The following KIAA1217 variants were observed in gnomAD, a reference collection of about 807,000 sequenced individuals.
KIAA1217 encodes the protein KIAA1217.
KIAA1217 carries 88 observed loss-of-function variants against 163.9 expected under a neutral mutation model. The observed-to-expected ratio is 0.54, with a 90% CI of 0.45 to 0.64. KIAA1217 has a LOEUF of 0.64. Among genes scored for constraint, KIAA1217 ranks in the 30% least tolerant of loss-of-function variants. The pLI is 0.00. For synonymous variants in KIAA1217, 903 were observed against 923.1 expected, an observed-to-expected ratio of 0.98 and a Z score of 0.39; for missense variants, 2,372 against 2,475.0, an observed-to-expected ratio of 0.96 and a Z score of 0.88.
In KIAA1217 at chr10:24,249,515, T is replaced by C. The variant is rs1403822778; in HGVS notation, c.354+29606T>C. Among the ~76,000 whole-genome samples the C allele has an allele frequency of 2.0e-5, 3 of 152,194 alleles. No individual in the cohort carries two copies. The East Asian group carries it at 5.8e-4, about 29-fold the overall frequency. On this transcript the variant is annotated intron_variant, in intron 2 of 20. Coordinates refer to ENST00000376454, the MANE Select transcript of KIAA1217 (RefSeq NM_019590.5). ...AAAATGGGCCAAGTTTCCTATATTA[T>C]AGGGTAAATACAACATTTTCTTCCT...
At chr10:23,697,314 T>C (rs1046359633) in intron 1 of KIAA1217, among the ~76,000 whole-genome samples, 1 of 152,234 alleles carries the variant, frequency 6.6e-6, no homozygotes, top group Non-Finnish European at 1.5e-5. Context: ...TACTAATGTA[T>C]GAATTTATAC....
At position 24,501,474 on chromosome 10, in the gene KIAA1217, A is replaced by G; in HGVS notation, c.1930A>G (p.Met644Val). 3 of 1,613,976 alleles carry G rather than the reference A, an allele frequency of 1.9e-6. No individual in the cohort carries two copies. Among genetic ancestry groups the G allele is most frequent in the South Asian group, 2.2e-5 (2 of 91,064 alleles). Residue 644 changes from methionine to valine, a missense_variant, in exon 9 of 21, where the codon ATG becomes GTG. Around this residue, in one of 3 missense-constraint regions of KIAA1217, gnomAD observed 1,431 missense variants for 1,470.3 expected, o/e 0.97. Transcript: ENST00000376454. Reference protein sequence around the residue: ...PPPVGTSAIHMSLLEMRRSVA... With the variant: ...PPPVGTSAIHVSLLEMRRSVA... ...ACCTGTGGGCACCTCAGCCATCCAC[A>G]TGAGCCTGCTTGAGATGAGGCGGAG... is the stretch of plus-strand genomic sequence containing the variant.
intron 2 of KIAA1217, among the ~76,000 whole-genome samples, chr10:24,303,765 C>T (rs957779705): frequency 1.3e-5 from 2 of 152,120 alleles, no homozygotes; most frequent in African/African-American, 4.8e-5. Flanking sequence ...AATTCAAGGT[C>T]GTGTGTTGGC....
intron 2 of KIAA1217, among the ~76,000 whole-genome samples, chr10:24,093,129 G>T (rs1282599559): frequency 6.6e-6 from 1 of 151,524 alleles, no homozygotes; most frequent in Non-Finnish European, 1.5e-5. Flanking sequence ...AAGTATCTGG[G>T]ACTACAGGCA....
At chr10:24,439,645 CT>C (rs1334581915) in intron 5 of KIAA1217, among the ~76,000 whole-genome samples, 1 of 142,824 alleles carries the variant, frequency 7.0e-6, no homozygotes, top group Non-Finnish European at 1.5e-5. Context: ...TAGGGAGAAT[CT>C]TTTCTTTTTT....
chr10:24,300,937 C>T (rs220367), intron 2 of KIAA1217, among the ~76,000 whole-genome samples: 122,525 of 152,060 alleles, frequency 0.81, 50,707 homozygotes, highest in Non-Finnish European at 0.9. Flanking sequence ...CTCTGCCTTC[C>T]GAATAGCTGG....
At chr10:24,405,506 A>G (rs750698134) in intron 3 of KIAA1217, among the ~76,000 whole-genome samples, 25 of 152,222 alleles carry the variant, frequency 1.6e-4, no homozygotes, top group Non-Finnish European at 2.8e-4. Context: ...AAGACCAGAG[A>G]GAGTGATCAG....
At chr10:24,483,451 C>T (rs920439010) in intron 6 of KIAA1217, among the ~76,000 whole-genome samples, 1 of 152,140 alleles carries the variant, frequency 6.6e-6, no homozygotes, top group Non-Finnish European at 1.5e-5. Context: ...CAGGACTCGC[C>T]GTGGCCCCCC....
intron 2 of KIAA1217, among the ~76,000 whole-genome samples, chr10:24,320,093 G>A (rs183304211): frequency 2.6e-5 from 4 of 152,128 alleles, no homozygotes; most frequent in African/African-American, 9.7e-5. Context: ...GGAATTATAT[G>A]TATGATATGA....
At chr10:24,545,200 T>C in intron 20 of KIAA1217, 97 bp downstream of exon 20, 1 of 1,547,382 alleles carries the variant, frequency 6.5e-7, no homozygotes, top group Non-Finnish European at 8.8e-7. Context: ...CTTTGTAAGA[T>C]AACGGTTTAC....
chr10:23,905,672 A>G (rs1233495435), intron 1 of KIAA1217, among the ~76,000 whole-genome samples: 1 of 152,134 alleles, frequency 6.6e-6, no homozygotes, highest in Non-Finnish European at 1.5e-5. Context: ...ACCCATAGCT[A>G]GAAAGAGCCC....
intron 2 of KIAA1217, among the ~76,000 whole-genome samples, chr10:24,008,797 C>T (rs1847121323): frequency 6.6e-6 from 1 of 152,152 alleles, no homozygotes; most frequent in South Asian, 2.1e-4. Context: ...TACGCTACCG[C>T]CCCATTAGAT....
intron 2 of KIAA1217, among the ~76,000 whole-genome samples, chr10:24,193,970 T>C (rs2066856841): frequency 6.6e-6 from 1 of 152,098 alleles, no homozygotes; most frequent in Non-Finnish European, 1.5e-5. Flanking sequence ...ATGGATCACC[T>C]GTGGTCAGAA....
At chr10:23,945,979 G>C (rs1488720391) in intron 1 of KIAA1217, among the ~76,000 whole-genome samples, 1 of 152,112 alleles carries the variant, frequency 6.6e-6, no homozygotes, top group Non-Finnish European at 1.5e-5. Context: ...TGACTGTAGA[G>C]CTTACTCTAG....
At chr10:23,880,395 A>T (rs1040801619) in intron 1 of KIAA1217, among the ~76,000 whole-genome samples, 1 of 152,084 alleles carries the variant, frequency 6.6e-6, no homozygotes, top group African/African-American at 2.4e-5. Context: ...GGAGCTAAAA[A>T]TTAAAACAAT....
chr10:24,486,265 C>G (rs11014105), intron 6 of KIAA1217, among the ~76,000 whole-genome samples: 30,678 of 152,136 alleles, frequency 0.2, 3,311 homozygotes, highest in South Asian at 0.36. Flanking sequence ...AACCTCAGCT[C>G]AGACTTCCCC....
At chr10:23,916,013 A>G (rs1842621241) in intron 1 of KIAA1217, among the ~76,000 whole-genome samples, 1 of 152,212 alleles carries the variant, frequency 6.6e-6, no homozygotes, top group African/African-American at 2.4e-5. Flanking sequence ...CAGAATGCCA[A>G]GGATGGGCTT....
chr10:24,336,398 A>G (rs2046362806), intron 2 of KIAA1217, among the ~76,000 whole-genome samples: 1 of 152,216 alleles, frequency 6.6e-6, no homozygotes, highest in Non-Finnish European at 1.5e-5. Context: ...AAGTGTGCTT[A>G]ACAATTACAC....
At chr10:24,381,729 T>G (rs1464302655) in intron 3 of KIAA1217, among the ~76,000 whole-genome samples, 1 of 152,204 alleles carries the variant, frequency 6.6e-6, no homozygotes, top group Non-Finnish European at 1.5e-5. Context: ...AGAATGATCC[T>G]CTTCTCACCT....
Sources: allele counts gnomAD v4.1 joint callset (sites outside exome capture counted in the v4.1 genomes callset), GRCh38; gene constraint gnomAD v4.1.1; regional missense constraint gnomAD v4.1.1; transcripts MANE v1.5; gene names NCBI Gene and HGNC (gene_info 2026-07-23, HGNC 2026-07-21).